BBX: variants seen among roughly 807,000 people sequenced by gnomAD.
BBX encodes HMG box transcription factor BBX.
BBX carries 30 observed loss-of-function variants against 100.2 expected under a neutral mutation model. That is an observed-to-expected ratio of 0.30 (90% CI 0.22 to 0.41). BBX has a LOEUF of 0.41. BBX is among the 10% of genes least tolerant of loss of function. The probability of loss-of-function intolerance (pLI) is 1.00; values close to 1 mark genes in which losing one functional copy is unlikely to be tolerated. For missense variants in BBX, 1,023 were observed against 1,129.8 expected (o/e 0.91, Z 1.35); for synonymous variants, 376 against 388.1 (o/e 0.97, Z 0.37).
At chr3:107,670,915 C>G (rs895554132) in intron 3 of BBX, among the ~76,000 whole-genome samples, 2 of 152,018 alleles carry the variant, frequency 1.3e-5, no homozygotes, top group Non-Finnish European at 2.9e-5. Flanking sequence ...TTAATTGATG[C>G]TAGCTTTTTA....
rs1270858654 is a variant in BBX at position 107,755,590 on chromosome 3, T to C, written c.826-8T>C. On this transcript the variant is annotated splice_region_variant and splice_polypyrimidine_tract_variant and intron_variant, in intron 9 of 17. Coordinates refer to ENST00000325805, the MANE Select transcript of BBX (RefSeq NM_001142568.3). ...TAATATTCCCTATTTGGATTGTCTT[T>C]AATATAGATTTCTTCAAACACTTCG... 1 of 1,611,418 alleles carries C rather than the reference T, an allele frequency of 6.2e-7. No individual in the cohort carries two copies. The highest frequency in any genetic ancestry group is 8.5e-7 in the Non-Finnish European group (1 of 1,177,764).
chr3:107,690,891 C>CTTTTTTT (rs1305340083), intron 3 of BBX, among the ~76,000 whole-genome samples: 31 of 72,342 alleles, frequency 4.3e-4, no homozygotes, highest in South Asian at 8.5e-4. Flanking sequence ...TGCCCCCCCC[C>CTTTTTTT]CTTTTTTTTT....
At chr3:107,643,945 T>G (rs1201250075) in intron 2 of BBX, among the ~76,000 whole-genome samples, 1 of 152,116 alleles carries the variant, frequency 6.6e-6, no homozygotes, top group Non-Finnish European at 1.5e-5. Context: ...TTTCCTGGCT[T>G]CTTAAGTCTA....
chr3:107,662,471 T>C (rs1344397892), intron 3 of BBX: 1 of 152,120 alleles, frequency 6.6e-6, no homozygotes, highest in Non-Finnish European at 1.5e-5. Context: ...ATAAACATAA[T>C]TGGTATCCGC....
At chr3:107,628,987 A>C (rs2056380314) in intron 2 of BBX, among the ~76,000 whole-genome samples, 1 of 152,058 alleles carries the variant, frequency 6.6e-6, no homozygotes, top group African/African-American at 2.4e-5. Context: ...AAGTGTTTTG[A>C]TTTCTTTGTA....
intron 13 of BBX, among the ~76,000 whole-genome samples, chr3:107,788,578 G>C (rs1169426961): frequency 6.6e-6 from 1 of 151,934 alleles, no homozygotes; most frequent in Non-Finnish European, 1.5e-5. Context: ...AGCCCAGCCT[G>C]GGCAACATGG....
At chr3:107,719,848 G>C (rs1024011332) in intron 5 of BBX, among the ~76,000 whole-genome samples, 1 of 151,802 alleles carries the variant, frequency 6.6e-6, no homozygotes. Context: ...CTGCATTTTT[G>C]CCTGCAATAC....
intron 15 of BBX, among the ~76,000 whole-genome samples, chr3:107,797,335 C>A (rs1380143698): frequency 2.5e-5 from 1 of 40,184 alleles, no homozygotes; most frequent in African/African-American, 1.8e-4. Context: ...GCTTTTCTTC[C>A]AAATATATAT....
chr3:107,527,129 G>A (rs1388570001), intron 2 of BBX, among the ~76,000 whole-genome samples: 1 of 152,176 alleles, frequency 6.6e-6, no homozygotes, highest in Non-Finnish European at 1.5e-5. Context: ...TTTGTGAGAG[G>A]TAACAGTGTG....
chr3:107,794,378 G>A (rs1164325729), intron 15 of BBX, among the ~76,000 whole-genome samples: 1 of 151,588 alleles, frequency 6.6e-6, no homozygotes, highest in African/African-American at 2.4e-5. Context: ...TTTCATATTT[G>A]TAGACTTTTA....
chr3:107,653,802 GC>G (rs1202085121), intron 3 of BBX, among the ~76,000 whole-genome samples: 2 of 152,188 alleles, frequency 1.3e-5, no homozygotes, highest in Non-Finnish European at 2.9e-5. Context: ...GGAGGAACTG[GC>G]TTCCAAAGGG....
chr3:107,655,589 G>C (rs1344713861), intron 3 of BBX, among the ~76,000 whole-genome samples: 3 of 147,832 alleles, frequency 2.0e-5, no homozygotes, highest in African/African-American at 7.5e-5. Context: ...TTTCATCAGA[G>C]CTCACTACAG....
chr3:107,727,503 T>C (rs1445055680), intron 5 of BBX, among the ~76,000 whole-genome samples: 1 of 152,182 alleles, frequency 6.6e-6, no homozygotes, highest in Non-Finnish European at 1.5e-5. Flanking sequence ...GACTGTATTC[T>C]ACAGTTTTTT....
At chr3:107,767,188 C>T (rs2066464230) in intron 10 of BBX, among the ~76,000 whole-genome samples, 2 of 152,174 alleles carry the variant, frequency 1.3e-5, no homozygotes, top group South Asian at 4.1e-4. Flanking sequence ...TATCCCATAA[C>T]TTAAAGTATA....
chr3:107,683,036 A>AC (rs1232983319), intron 3 of BBX, among the ~76,000 whole-genome samples: 1 of 152,006 alleles, frequency 6.6e-6, no homozygotes, highest in Non-Finnish European at 1.5e-5. Flanking sequence ...GGAGACAAAA[A>AC]TATCAGTCAA....
At chr3:107,665,702 CT>C (rs2058703260) in intron 3 of BBX, among the ~76,000 whole-genome samples, 1 of 152,160 alleles carries the variant, frequency 6.6e-6, no homozygotes, top group South Asian at 2.1e-4. Context: ...TGAGTTCTGC[CT>C]TCTTGCTCCT....
intron 3 of BBX, among the ~76,000 whole-genome samples, chr3:107,680,441 G>C (rs1481710596): frequency 6.6e-6 from 1 of 152,114 alleles, no homozygotes; most frequent in African/African-American, 2.4e-5. Context: ...AGGGTGAAGT[G>C]GTTTCCAAGT....
At chr3:107,699,036 T>A (rs1484016391) in intron 3 of BBX, among the ~76,000 whole-genome samples, 1 of 151,726 alleles carries the variant, frequency 6.6e-6, no homozygotes, top group East Asian at 1.9e-4. Flanking sequence ...ATTCATTCAT[T>A]TGCCTGCAGT....
rs149149971 is a variant in BBX, at chr3:107,779,122, G to A, written c.2203+603G>A. ...ATCAGCTTCTCTACTGCCTATATCAGGGAAGCTTTTTTAAAGTTATCAGCA... is the reference window on the plus strand; with the variant it reads ...ATCAGCTTCTCTACTGCCTATATCAAGGAAGCTTTTTTAAAGTTATCAGCA... On this transcript the variant is annotated intron_variant, in intron 13 of 17. Coordinates refer to ENST00000325805, the MANE Select transcript of BBX (RefSeq NM_001142568.3). 6.0e-3 allele frequency among the ~76,000 whole-genome samples: 910 copies of A among 150,482 alleles called. 9 individuals are homozygous for A. The highest frequency in any genetic ancestry group is 0.021 in the African/African-American group (858 of 40,828).
Sources: allele counts gnomAD v4.1 joint callset (sites outside exome capture counted in the v4.1 genomes callset), GRCh38; gene constraint gnomAD v4.1.1; transcripts MANE v1.5; gene names NCBI Gene and HGNC (gene_info 2026-07-23, HGNC 2026-07-21).